TUBGCP5: variants seen among roughly 807,000 people sequenced by gnomAD.
TUBGCP5 encodes gamma-tubulin complex component 5.
A neutral mutation model predicts 134.7 loss-of-function variants in TUBGCP5; 98 were observed. That is an observed-to-expected ratio of 0.73 (90% CI 0.62 to 0.86). The LOEUF (loss-of-function observed/expected upper bound fraction) is 0.86, where lower values mean the gene tolerates loss of function less well. TUBGCP5 is among the 40% of genes least tolerant of loss of function. The pLI, the probability that TUBGCP5 is intolerant of heterozygous loss-of-function variation, is 0.00. For synonymous variants in TUBGCP5, 456 were observed against 431.4 expected, an observed-to-expected ratio of 1.06 and a Z score of -0.71; for missense variants, 1,150 against 1,244.8, an observed-to-expected ratio of 0.92 and a Z score of 1.15.
intron 23 of TUBGCP5, among the ~76,000 whole-genome samples, chr15:22,993,899 T>C (rs2063949116): frequency 6.6e-6 from 1 of 152,006 alleles, no homozygotes; most frequent in Non-Finnish European, 1.5e-5. Context: ...CAGGCTAGTC[T>C]TGAACTCCTG....
chr15:22,999,668 T>C lies in TUBGCP5; in HGVS notation c.*152A>G, dbSNP rs1383280689. On this transcript the variant is annotated 3_prime_UTR_variant, in exon 23 of 23. Coordinates refer to ENST00000615383, the MANE Select transcript of TUBGCP5 (RefSeq NM_052903.6). ...TGCCTGTCTTGGCCTCCCATCGTGC[T>C]GGGATTAGAGGCATGAGCGACTGTG... 1.3e-6 allele frequency: 1 copy of C among 796,824 alleles called. No homozygotes were observed. Among genetic ancestry groups the C allele is most frequent in the African/African-American group, 1.7e-5 (1 of 58,062 alleles). The allele number at this position is 796,824 out of a possible 1,614,324, so 49.4% of individuals were successfully genotyped here.
At chr15:23,008,936 T>C (rs1404442730) in intron 15 of TUBGCP5, 55 bp from the exon 16 acceptor site, 3 of 1,437,234 alleles carry the variant, frequency 2.1e-6, no homozygotes, top group Non-Finnish European at 2.8e-6. Context: ...TAAGGCAGGA[T>C]TCTGGATCAA....
In TUBGCP5 at chr15:23,031,895, T is replaced by C; in HGVS notation, c.486+55A>G. ...AGGGTGGAAAGACCCATGAAAATCATCTATATCACCTGGCGTGTATTTCAA... is the reference window on the plus strand; with the variant it reads ...AGGGTGGAAAGACCCATGAAAATCACCTATATCACCTGGCGTGTATTTCAA... On this transcript the variant is annotated intron_variant, in intron 5 of 22. Transcript: ENST00000615383. The C allele has an allele frequency of 3.6e-6, 5 of 1,396,100 alleles. No homozygotes were observed. The South Asian group carries it at 6.7e-5, about 19-fold the overall frequency. 86.5% of individuals were successfully genotyped at this position (1,396,100 alleles called of 1,614,324 possible). A position where few individuals can be genotyped will look rare whatever the true frequency, so the allele number is the denominator to read the frequency against.
At chr15:22,983,129 G>A (rs2063584701), downstream of TUBGCP5, 1 of 152,052 alleles carries the variant, frequency 6.6e-6, no homozygotes, top group Non-Finnish European at 1.5e-5. Flanking sequence ...TACCTAAATG[G>A]CACCTCCACA....
chr15:23,005,594 T>C lies in TUBGCP5; in HGVS notation c.2550A>G (p.Ala850=), dbSNP rs2064659987. 2 of 1,613,952 alleles carry C rather than the reference T, an allele frequency of 1.2e-6. No homozygotes were observed. Among genetic ancestry groups the C allele is most frequent in the South Asian group, 2.2e-5 (2 of 91,068 alleles). Residue 850 remains alanine (A), a synonymous_variant, in exon 19 of 23, where the codon GCA becomes GCG. Coordinates refer to ENST00000615383, the MANE Select transcript of TUBGCP5 (RefSeq NM_052903.6). ...GGCCTTCTTTAAGTCGTGGTTTTTC[T>C]GCAGTACTAACCAGTTCTATAAAAC... The part of the protein sequence containing the change: ...VLLFGELVST[A]EKPRLKEGLI...
In TUBGCP5 at chr15:23,039,400, GA is replaced by G. The variant is rs774809271; in HGVS notation, c.143del (p.Phe48SerfsTer14). Reference protein sequence around the residue: ...QLALNFAWSNFRFHRFLDVNS... With the variant: ...QLALNFAWSNXRFHRFLDVNS... ...CGCCCGCGCGCCGTGCCCCACACCT[GA>G]AGTTGGACCAGGCGAAGTTTAGGGC... On this transcript the variant is annotated frameshift_variant, in exon 1 of 23. Coordinates refer to ENST00000615383, the MANE Select transcript of TUBGCP5 (RefSeq NM_052903.6). LOFTEE classifies it high-confidence loss of function. 2.0e-6 allele frequency: 3 copies of G among 1,490,774 alleles called. No individual in the cohort carries two copies. Among genetic ancestry groups the G allele is most frequent in the Admixed American group, 4.1e-5 (2 of 48,252 alleles). 92.3% of individuals were successfully genotyped at this position (1,490,774 alleles called of 1,614,324 possible).
intron 3 of TUBGCP5, 144 bp downstream of exon 3, chr15:23,036,753 A>AT: frequency 1.5e-6 from 1 of 655,650 alleles, no homozygotes; most frequent in Non-Finnish European, 2.7e-6. Flanking sequence ...TTTGATGGCA[A>AT]TATTTAAGTA....
At chr15:22,990,291 G>A (rs1305419174) in intron 23 of TUBGCP5, among the ~76,000 whole-genome samples, 3 of 150,260 alleles carry the variant, frequency 2.0e-5, no homozygotes, top group Non-Finnish European at 4.4e-5. Flanking sequence ...CTCCTGCTAG[G>A]GCACTCTCTG....
At chr15:23,003,280 G>A in intron 20 of TUBGCP5, 127 bp from the exon 21 acceptor site, 5 of 830,088 alleles carry the variant, frequency 6.0e-6, no homozygotes, top group African/African-American at 1.7e-5. Flanking sequence ...CTGTGTATAT[G>A]GAAGGGTACT....
chr15:23,011,666 G>A (rs137855863), intron 13 of TUBGCP5, among the ~76,000 whole-genome samples: 4,558 of 148,720 alleles, frequency 0.031, 171 homozygotes, highest in African/African-American at 0.088. Context: ...CACCACGCCC[G>A]GCTAATTTTA....
At chr15:23,000,897 T>G (rs982202231) in intron 21 of TUBGCP5, among the ~76,000 whole-genome samples, 7 of 152,230 alleles carry the variant, frequency 4.6e-5, no homozygotes, top group African/African-American at 1.7e-4. Flanking sequence ...TGTTTCCAGA[T>G]AGTATCTAGT....
intron 21 of TUBGCP5, among the ~76,000 whole-genome samples, chr15:23,001,358 A>T (rs2064360736): frequency 1.5e-5 from 2 of 132,142 alleles, no homozygotes; most frequent in South Asian, 2.4e-4. Flanking sequence ...TTTTTTTTTT[A>T]GACAGAGTTT....
At chr15:23,025,706 C>T (rs2065943680) in intron 8 of TUBGCP5, among the ~76,000 whole-genome samples, 1 of 152,008 alleles carries the variant, frequency 6.6e-6, no homozygotes, top group Admixed American at 6.6e-5. Flanking sequence ...TGGTGGGTTC[C>T]TGTAGTCCCA....
chr15:23,019,505 A>C, intron 11 of TUBGCP5, 171 bp from the exon 12 acceptor site: 2 of 577,252 alleles, frequency 3.5e-6, no homozygotes. Context: ...CTTATGAAAA[A>C]CTCACCTAAA....
At chr15:23,028,261 C>T (rs1466049874) in intron 6 of TUBGCP5, among the ~76,000 whole-genome samples, 1 of 151,186 alleles carries the variant, frequency 6.6e-6, no homozygotes, top group African/African-American at 2.4e-5. Context: ...GCACTGGAAG[C>T]CCCAGCTTCT....
intron 23 of TUBGCP5, among the ~76,000 whole-genome samples, chr15:22,992,439 A>C (rs1379936742): frequency 6.6e-6 from 1 of 152,188 alleles, no homozygotes; most frequent in Non-Finnish European, 1.5e-5. Flanking sequence ...CAGCAAGTCC[A>C]CGATTATCCA....
chr15:23,023,889 G>A (rs2065844836), intron 10 of TUBGCP5, 58 bp downstream of exon 10: 1 of 1,543,810 alleles, frequency 6.5e-7, no homozygotes, highest in East Asian at 2.3e-5. Context: ...AAAACTCTAA[G>A]TGGCATTCAA....
chr15:22,992,775 A>C (rs545705179), intron 23 of TUBGCP5, among the ~76,000 whole-genome samples: 2 of 152,312 alleles, frequency 1.3e-5, no homozygotes, highest in African/African-American at 4.8e-5. Context: ...GTAGCAGCAG[A>C]AAGTTTAGCC....
chr15:23,030,006 GCAA>G (rs1322645591), intron 6 of TUBGCP5, among the ~76,000 whole-genome samples: 2 of 152,104 alleles, frequency 1.3e-5, no homozygotes, highest in Non-Finnish European at 2.9e-5. Context: ...ACTAGCCTGG[GCAA>G]CATGGTGAAA....
Sources: gnomAD v4.1 joint callset for allele counts (sites outside exome capture counted in the v4.1 genomes callset) on GRCh38, gnomAD v4.1.1 for gene constraint, MANE v1.5 for transcripts, NCBI Gene and HGNC (gene_info 2026-07-23, HGNC 2026-07-21) for gene names.